ITFG2: variants seen among roughly 807,000 people sequenced by gnomAD.
ITFG2 encodes integrin alpha FG-GAP repeat containing 2, also known as KICSTOR complex protein ITFG2.
In ITFG2, 36 loss-of-function variants were observed where a neutral mutation model predicts 54.4. That is an observed-to-expected ratio of 0.66 (90% confidence interval 0.51 to 0.87). The LOEUF (loss-of-function observed/expected upper bound fraction) is 0.87. Among genes scored for constraint, ITFG2 ranks in the 40% least tolerant of loss-of-function variants. ITFG2 has a pLI of 0.00. For synonymous variants in ITFG2, 211 were observed against 225.4 expected, an observed-to-expected ratio of 0.94 and a Z score of 0.57; for missense variants, 524 against 576.7, an observed-to-expected ratio of 0.91 and a Z score of 0.94.
rs986856201 is a variant in ITFG2 at position 2,820,362 on chromosome 12, A to G, written c.546+137A>G. 65 of 1,109,938 alleles carry G rather than the reference A, an allele frequency of 5.9e-5. No homozygotes were observed. In the Middle Eastern group the frequency reaches 8.7e-4, roughly 15 times the overall value. 68.8% of individuals were successfully genotyped at this position (1,109,938 alleles called of 1,614,324 possible). A position where few individuals can be genotyped will look rare whatever the true frequency, so the allele number is the denominator to read the frequency against. On this transcript the variant is annotated intron_variant, in intron 5 of 11. Transcript: ENST00000228799. ...AGTCACCTTGTCAAGAGAGATCCAA[A>G]GACCATTTCAAATCAGGGGCTTAGG...
chr12:2,828,056 G>A (rs998234233), downstream of ITFG2: 1 of 1,608,910 alleles, frequency 6.2e-7, no homozygotes, highest in Non-Finnish European at 8.5e-7. Flanking sequence ...ACCTGTGGTT[G>A]GGAAGCAAGG....
At chr12:2,859,195 C>T in intron 3 of ITFG2, 2 of 1,611,060 alleles carry the variant, frequency 1.2e-6, no homozygotes, top group African/African-American at 1.3e-5. Context: ...GAGGAGTCTG[C>T]TGGGAACGGG....
At chr12:2,852,770 C>T (rs944158403) in intron 2 of ITFG2, among the ~76,000 whole-genome samples, 2 of 151,936 alleles carry the variant, frequency 1.3e-5, no homozygotes, top group Admixed American at 6.6e-5. Flanking sequence ...TTTGGGAGGC[C>T]GAGTTGGGCC....
At chr12:2,854,764 G>T in intron 2 of ITFG2, 1 of 953,704 alleles carries the variant, frequency 1.0e-6, no homozygotes, top group Non-Finnish European at 1.5e-6. Context: ...GCTACACTCA[G>T]AAAAGAGTTT....
At chr12:2,835,268 A>C (rs1341560206), upstream of ITFG2, 1 of 952,552 alleles carries the variant, frequency 1.0e-6, no homozygotes, top group Non-Finnish European at 1.2e-6. Context: ...TTTGCGAGGA[A>C]GCGCTTGTCA....
downstream of ITFG2, among the ~76,000 whole-genome samples, chr12:2,829,720 T>C (rs2153925940): frequency 6.6e-6 from 1 of 152,152 alleles, no homozygotes; most frequent in South Asian, 2.1e-4. Context: ...TGAGCTCTGA[T>C]CATGCCACTA....
chr12:2,851,173 A>G (rs2098069733), intron 2 of ITFG2, among the ~76,000 whole-genome samples: 1 of 151,612 alleles, frequency 6.6e-6, no homozygotes, highest in Non-Finnish European at 1.5e-5. Flanking sequence ...GAAAAAAAAA[A>G]ATTAAAGATT....
chr12:2,822,931 C>G lies in ITFG2; in HGVS notation c.1066+20C>G, dbSNP rs1379173597. 6.3e-7 allele frequency: 1 copy of G among 1,585,218 alleles called. No individual in the cohort carries two copies. The highest frequency in any genetic ancestry group is 1.3e-5 in the African/African-American group (1 of 74,358). On this transcript the variant is annotated intron_variant, in intron 10 of 11. Transcript: ENST00000228799. Reference sequence around the variant, plus strand: ...GTGCAGGTGACCCCCGCCCCCATGGCCCCTTTCTAACCACACTTAAGTTAG... The same window carrying G: ...GTGCAGGTGACCCCCGCCCCCATGGGCCCTTTCTAACCACACTTAAGTTAG...
chr12:2,826,914 T>G (rs1273926439), downstream of ITFG2: 3 of 1,148,720 alleles, frequency 2.6e-6, no homozygotes, highest in Middle Eastern at 3.6e-4. Context: ...CCCATTGTGC[T>G]TAGGTTCCTA....
At chr12:2,813,718 C>G (rs960606710) in intron 1 of ITFG2, among the ~76,000 whole-genome samples, 1 of 152,152 alleles carries the variant, frequency 6.6e-6, no homozygotes, top group Admixed American at 6.6e-5. Flanking sequence ...TCTTCCTACT[C>G]GGCCTCCCTG....
At chr12:2,838,949 C>T (rs2153926933) in intron 1 of ITFG2, among the ~76,000 whole-genome samples, 1 of 151,964 alleles carries the variant, frequency 6.6e-6, no homozygotes, top group East Asian at 1.9e-4. Flanking sequence ...CCCATGACAG[C>T]TCAGTCTCCT....
chr12:2,856,129 A>C (rs1359229699), intron 2 of ITFG2, among the ~76,000 whole-genome samples: 1 of 152,120 alleles, frequency 6.6e-6, no homozygotes, highest in Non-Finnish European at 1.5e-5. Flanking sequence ...CCACAACTCT[A>C]TGAGCAAGTA....
chr12:2,829,006 C>A (rs936328155), downstream of ITFG2, among the ~76,000 whole-genome samples: 3 of 151,892 alleles, frequency 2.0e-5, no homozygotes, highest in Non-Finnish European at 4.4e-5. Context: ...TCAAGACCAG[C>A]CTAGGCAACA....
chr12:2,857,083 C>T lies in ITFG2; in HGVS notation n.301-929C>T, dbSNP rs1323760758. The T allele has an allele frequency of 5.7e-6, 4 of 702,608 alleles. No individual in the cohort carries two copies. In the African/African-American group the frequency reaches 7.0e-5, roughly 12 times the overall value. 43.5% of individuals were successfully genotyped at this position (702,608 alleles called of 1,614,324 possible). A position where few individuals can be genotyped will look rare whatever the true frequency, so the allele number is the denominator to read the frequency against. On this transcript the variant is annotated intron_variant and non_coding_transcript_variant, in intron 2 of 3. Coordinates refer to the ITFG2 transcript ENST00000537710. ...TTTGTGGGGAAGCCCTTTCTGGCAC[C>T]ATTGTTTACTCCTGGGGTTGCTATG...
chr12:2,849,578 G>A, intron 2 of ITFG2: 2 of 1,527,322 alleles, frequency 1.3e-6, no homozygotes. Flanking sequence ...GAGATCCAGG[G>A]ACAGTGGAGA....
chr12:2,823,909 G>A lies in ITFG2; in HGVS notation c.1206G>A (p.Pro402=), dbSNP rs772526814. The change falls in exon 11 of 12, where the codon CCG becomes CCA. Residue 402 remains proline (P), a synonymous_variant. Transcript: ENST00000228799. ...TNLVKLLETK[P]EYHSLLQELG... is the part of the protein sequence containing the mutation. ...TGGTGAAACTGCTGGAGACCAAGCCGGAGTACCACAGCCTGCTGCAGGAGC... is the reference window on the plus strand; with the variant it reads ...TGGTGAAACTGCTGGAGACCAAGCCAGAGTACCACAGCCTGCTGCAGGAGC... 20 of 1,613,448 alleles carry A rather than the reference G, an allele frequency of 1.2e-5. No homozygotes were observed. The highest frequency in any genetic ancestry group is 4.5e-5 in the East Asian group (2 of 44,858).
At chr12:2,814,334 C>CT (rs1269856949) in intron 1 of ITFG2, among the ~76,000 whole-genome samples, 4 of 152,240 alleles carry the variant, frequency 2.6e-5, no homozygotes, top group East Asian at 1.9e-4. Context: ...AAAGCATTCC[C>CT]TTTTTTTATA....
At chr12:2,827,154 G>A (rs1264111061), downstream of ITFG2, 24 of 1,612,208 alleles carry the variant, frequency 1.5e-5, no homozygotes, top group Middle Eastern at 1.7e-4. The surrounding 1 kb of genome is among the most constrained non-coding windows in gnomAD (Gnocchi z 4.0). Context: ...TTCCCCACAC[G>A]CCTCTTCTTC....
intron 1 of ITFG2, 52 bp downstream of exon 1, chr12:2,812,908 C>G: frequency 6.7e-7 from 1 of 1,496,426 alleles, no homozygotes; most frequent in Middle Eastern, 1.8e-4. Context: ...AGGGACGGGG[C>G]AAGGGAAGTG....
Sources: allele counts gnomAD v4.1 joint callset (sites outside exome capture counted in the v4.1 genomes callset), GRCh38; gene constraint gnomAD v4.1.1; non-coding constraint Gnocchi (gnomAD v3.1); transcripts MANE v1.5; gene names NCBI Gene and HGNC (gene_info 2026-07-23, HGNC 2026-07-21).